The following UBN2 variants were observed in gnomAD, a reference collection of about 807,000 sequenced individuals.
UBN2 encodes ubinuclein-2.
A neutral mutation model predicts 120.2 loss-of-function variants in UBN2; 35 were observed. The observed-to-expected ratio is 0.29, with a 90% CI of 0.22 to 0.39. The LOEUF (loss-of-function observed/expected upper bound fraction) is 0.39, where lower values mean the gene tolerates loss of function less well. UBN2 is among the 10% of genes least tolerant of loss of function. The pLI is 1.00. For missense variants in UBN2, 1,693 were observed against 1,663.2 expected (o/e 1.02, Z -0.31); for synonymous variants, 661 against 648.7 (o/e 1.02, Z -0.29).
chr7:139,248,111 C>A (rs1584992297), intron 2 of UBN2, among the ~76,000 whole-genome samples: 1 of 152,248 alleles, frequency 6.6e-6, no homozygotes, highest in Admixed American at 6.5e-5. Flanking sequence ...TACTTAAATT[C>A]TGATATCTTA....
At chr7:139,235,557 C>G (rs1219267794) in intron 1 of UBN2, among the ~76,000 whole-genome samples, 3 of 152,088 alleles carry the variant, frequency 2.0e-5, no homozygotes, top group Non-Finnish European at 4.4e-5. Context: ...CAGGCGTGTG[C>G]CACCACACCC....
chr7:139,297,875 T>A lies in UBN2; in HGVS notation c.*39T>A. On this transcript the variant is annotated 3_prime_UTR_variant, in exon 18 of 18. Coordinates refer to ENST00000473989, the MANE Select transcript of UBN2 (RefSeq NM_173569.4). ...AAAGGAGACGAAATGTTTAGTTGACTGATGGAATCTACCTGATGGGAAAGT... is the reference window on the plus strand; with the variant it reads ...AAAGGAGACGAAATGTTTAGTTGACAGATGGAATCTACCTGATGGGAAAGT... 1 of 1,607,580 alleles carries A rather than the reference T, an allele frequency of 6.2e-7. No individual in the cohort carries two copies. Among genetic ancestry groups the A allele is most frequent in the Non-Finnish European group, 8.5e-7 (1 of 1,174,114 alleles).
chr7:139,240,049 G>A (rs1796274342), intron 2 of UBN2, among the ~76,000 whole-genome samples: 1 of 152,160 alleles, frequency 6.6e-6, no homozygotes. Context: ...TTCTGAAGAA[G>A]TTGTTTGATG....
At chr7:139,317,257 A>G in the UBN2 span, among the ~76,000 whole-genome samples, 1 of 151,156 alleles carries the variant, frequency 6.6e-6, no homozygotes, top group Admixed American at 6.6e-5. Context: ...TGCAGCCTCA[A>G]CCTCCCAGGC....
intron 6 of UBN2, among the ~76,000 whole-genome samples, chr7:139,263,576 C>A (rs1473645527): frequency 6.6e-6 from 1 of 151,984 alleles, no homozygotes; most frequent in East Asian, 1.9e-4. Context: ...GAGTTTGAGA[C>A]CAGCCTAGCC....
chr7:139,265,212 T>C (rs539440727), intron 6 of UBN2, among the ~76,000 whole-genome samples: 44 of 152,282 alleles, frequency 2.9e-4, no homozygotes, highest in African/African-American at 9.1e-4. Context: ...TTTTAAAATA[T>C]TGGCCGGGCG....
chr7:139,243,957 G>A (rs894996459), intron 2 of UBN2, among the ~76,000 whole-genome samples: 1 of 152,144 alleles, frequency 6.6e-6, no homozygotes, highest in Non-Finnish European at 1.5e-5. Flanking sequence ...TCAAAACTTT[G>A]GTAGTGAACA....
At chr7:139,324,569 A>AG in the UBN2 span, among the ~76,000 whole-genome samples, 29 of 151,386 alleles carry the variant, frequency 1.9e-4, no homozygotes, top group East Asian at 1.9e-4. Flanking sequence ...AAAAAAAAAA[A>AG]AAAAAAGAAA....
downstream of UBN2, among the ~76,000 whole-genome samples, chr7:139,309,552 T>C (rs1011303047): frequency 2.0e-5 from 3 of 152,252 alleles, no homozygotes; most frequent in Non-Finnish European, 2.9e-5. Flanking sequence ...TAAATTTTTT[T>C]TTAAAACATA....
At chr7:139,289,921 T>C (rs1797902258) in intron 15 of UBN2, among the ~76,000 whole-genome samples, 1 of 150,486 alleles carries the variant, frequency 6.6e-6, no homozygotes, top group African/African-American at 2.5e-5. Flanking sequence ...CGAGACAGAG[T>C]CTTGCTCTGT....
At chr7:139,238,702 G>A (rs1175362747) in intron 2 of UBN2, among the ~76,000 whole-genome samples, 10 of 152,200 alleles carry the variant, frequency 6.6e-5, no homozygotes, top group Admixed American at 5.9e-4. Flanking sequence ...GATTACAGGC[G>A]TGAGCCATTG....
chr7:139,258,463 G>C, intron 3 of UBN2, 25 bp from the exon 4 acceptor site: 1 of 1,528,994 alleles, frequency 6.5e-7, no homozygotes, highest in Middle Eastern at 1.8e-4. Context: ...GGATATAGCG[G>C]AAACTTTTTT....
chr7:139,272,494 T>TTATGTATGTATA, intron 9 of UBN2, 54 bp downstream of exon 9: 1 of 1,104,840 alleles, frequency 9.1e-7, no homozygotes. Context: ...TGTATGTACG[T>TTATGTATGTATA]TATGTATGTA....
At chr7:139,252,196 C>A (rs1478821132) in intron 3 of UBN2, 139 bp downstream of exon 3, 29 of 528,704 alleles carry the variant, frequency 5.5e-5, no homozygotes, top group Non-Finnish European at 7.4e-5. Flanking sequence ...TTAAAGATTT[C>A]TTTACCCTTT....
chr7:139,322,057 T>A, the UBN2 span, among the ~76,000 whole-genome samples: 1 of 151,932 alleles, frequency 6.6e-6, no homozygotes, highest in Non-Finnish European at 1.5e-5. Flanking sequence ...CACTGCAACC[T>A]CTGCCTCCCA....
intron 15 of UBN2, among the ~76,000 whole-genome samples, chr7:139,291,624 G>A (rs181299025): frequency 6.6e-6 from 1 of 152,202 alleles, no homozygotes; most frequent in Admixed American, 6.5e-5. Context: ...GCCTAGGTGT[G>A]AGGATCGCTG....
chr7:139,319,983 G>A, the UBN2 span, among the ~76,000 whole-genome samples: 1 of 151,998 alleles, frequency 6.6e-6, no homozygotes. Flanking sequence ...GGCCAAGGCA[G>A]GAGAATGGCG....
rs1798386925 is a variant in UBN2, at chr7:139,307,781, T to A, written c.*9945T>A. 6.6e-6 allele frequency: 1 copy of A among 152,200 alleles called. No homozygotes were observed. The highest frequency in any genetic ancestry group is 2.4e-5 in the African/African-American group (1 of 41,440). 9.4% of individuals were successfully genotyped at this position (152,200 alleles called of 1,614,324 possible). ...CTCAGTTCTACGTGCCCTTTGAACTTTAATGGTAAAACATTTCACACTTTG... is the reference window on the plus strand; with the variant it reads ...CTCAGTTCTACGTGCCCTTTGAACTATAATGGTAAAACATTTCACACTTTG... On this transcript the variant is annotated 3_prime_UTR_variant, in exon 18 of 18. Transcript: ENST00000473989.
At chr7:139,276,725 C>T (rs1797453212) in intron 12 of UBN2, 1 of 152,768 alleles carries the variant, frequency 6.5e-6, no homozygotes, top group African/African-American at 2.4e-5. Flanking sequence ...TTCATTTTTC[C>T]CTACAACGTA....
Sources: gnomAD v4.1 joint callset for allele counts (sites outside exome capture counted in the v4.1 genomes callset) on GRCh38, gnomAD v4.1.1 for gene constraint, MANE v1.5 for transcripts, NCBI Gene and HGNC (gene_info 2026-07-23, HGNC 2026-07-21) for gene names.